Variants in RIBC2 observed in about 807,000 individuals in gnomAD.
RIBC2 encodes RIB43A domain with coiled-coils 2.
In RIBC2, 40 loss-of-function variants were observed where a neutral mutation model predicts 44.3. That is an observed-to-expected ratio of 0.90 (90% CI 0.70 to 1.18). The LOEUF is 1.18. Among genes scored for constraint, RIBC2 ranks in the 50% most tolerant of loss-of-function variants. RIBC2 has a pLI of 0.00. For missense variants in RIBC2, 459 were observed against 485.5 expected, an observed-to-expected ratio of 0.95 and a Z score of 0.51; for synonymous variants, 171 against 175.0, an observed-to-expected ratio of 0.98 and a Z score of 0.18.
In RIBC2 at chr22:45,430,164, G is replaced by A. The variant is rs188727356; in HGVS notation, c.904-736G>A. 4.9e-3 allele frequency among the ~76,000 whole-genome samples: 740 copies of A among 152,272 alleles called. 7 individuals carry two copies. Among genetic ancestry groups the A allele is most frequent in the African/African-American group, 0.017 (687 of 41,560 alleles). ...CTGCCTTCAGTCCCAGGATGGGGCC[G>A]CCCAGACCCCCGTGCCACTCACCGG... On this transcript the variant is annotated intron_variant, in intron 5 of 6. Coordinates refer to ENST00000614167, the MANE Select transcript of RIBC2 (RefSeq NM_015653.5).
rs986768098 is a variant in RIBC2 at position 45,430,801 on chromosome 22, T to C, written c.904-99T>C. ...CCTGCTCGTCCTCTGAGCCTCAGTT[T>C]CCCCATCTGTAGAATGAGAGGCCAG... is the stretch of plus-strand genomic sequence containing the variant. On this transcript the variant is annotated intron_variant, in intron 5 of 6. Coordinates refer to ENST00000614167, the MANE Select transcript of RIBC2 (RefSeq NM_015653.5). 22 of 1,378,714 alleles carry C rather than the reference T, an allele frequency of 1.6e-5. No individual in the cohort carries two copies. The African/African-American group carries it at 3.3e-4, about 20-fold the overall frequency. 85.4% of individuals were successfully genotyped at this position (1,378,714 alleles called of 1,614,324 possible). A position where few individuals can be genotyped will look rare whatever the true frequency, so the allele number is the denominator to read the frequency against.
Position 45,430,965 on chromosome 22 carries a change from C to T in RIBC2, c.969C>T (p.Arg323=), listed in dbSNP as rs375712060. 39 of 1,608,206 alleles carry T rather than the reference C, an allele frequency of 2.4e-5. No homozygotes were observed. The highest frequency in any genetic ancestry group is 8.0e-5 in the African/African-American group (6 of 74,650). Residue 323 remains arginine (R), a synonymous_variant, in exon 6 of 7, where the codon CGC becomes CGT. Transcript: ENST00000614167. ...ACCGGCGGAGGATTCAGGGGGCTCGCGCCACCCTGCTGTTTGAGCGGCAGC... is the reference window on the plus strand; with the variant it reads ...ACCGGCGGAGGATTCAGGGGGCTCGTGCCACCCTGCTGTTTGAGCGGCAGC... The part of the protein sequence containing the change: ...DWDRRRIQGA[R]ATLLFERQQW...
intron 2 of RIBC2, 95 bp downstream of exon 2, chr22:45,414,498 T>A (rs1197853745): frequency 3.9e-6 from 3 of 773,322 alleles, no homozygotes; most frequent in Non-Finnish European, 5.9e-6. Context: ...CTTTTTTTTT[T>A]TATTTTTTAT....
chr22:45,414,993 A>AGTATTCAAGTACCTTGAATACTG (rs2087407139), intron 2 of RIBC2, among the ~76,000 whole-genome samples: 1 of 152,190 alleles, frequency 6.6e-6, no homozygotes, highest in African/African-American at 2.4e-5. Flanking sequence ...TTCAAATCAT[A>AGTATTCAAGTACCTTGAATACTG]GTATTCAAGT....
Position 45,430,933 on chromosome 22 carries a change from G to T in RIBC2, c.937G>T (p.Asp313Tyr). 1 of 1,609,582 alleles carries T rather than the reference G, an allele frequency of 6.2e-7. No individual in the cohort carries two copies. Among genetic ancestry groups the T allele is most frequent in the South Asian group, 1.1e-5 (1 of 90,494 alleles). ...LQEEKRQRDL[D>Y]WDRRRIQGAR... ...GGAAGAAAAGCGCCAGCGAGACCTG[G>T]ACTGGGACCGGCGGAGGATTCAGGG... The change falls in exon 6 of 7, where the codon GAC becomes TAC. Residue 313 changes from aspartate to tyrosine, a missense_variant. Physicochemically the swap from Asp to Tyr is radical, Grantham distance 160. Coordinates refer to ENST00000614167, the MANE Select transcript of RIBC2 (RefSeq NM_015653.5).
At chr22:45,415,551 T>C (rs114380830) in intron 2 of RIBC2, among the ~76,000 whole-genome samples, 10,136 of 152,008 alleles carry the variant, frequency 0.067, 626 homozygotes, top group East Asian at 0.34. Context: ...TTTTGCCAGA[T>C]TGGCTTCAGA....
At chr22:45,419,354 G>C (rs1442847737) in intron 3 of RIBC2, among the ~76,000 whole-genome samples, 1 of 151,902 alleles carries the variant, frequency 6.6e-6, no homozygotes, top group African/African-American at 2.4e-5. Flanking sequence ...CCAGGCCCCA[G>C]CCCAGGTAAT....
intron 1 of RIBC2, 93 bp downstream of exon 1, chr22:45,414,108 ATC>A: frequency 6.6e-7 from 1 of 1,508,692 alleles, no homozygotes; most frequent in Non-Finnish European, 8.9e-7. Flanking sequence ...AGGATGAAAC[ATC>A]TGAGCCAGGA....
chr22:45,426,927 G>A, intron 5 of RIBC2, among the ~76,000 whole-genome samples: 1 of 152,042 alleles, frequency 6.6e-6, no homozygotes, highest in Non-Finnish European at 1.5e-5. Context: ...GTGGGGACGT[G>A]TGAAAGAGAG....
intron 2 of RIBC2, among the ~76,000 whole-genome samples, chr22:45,415,258 GAAAA>G (rs994123509): frequency 7.0e-6 from 1 of 142,258 alleles, no homozygotes; most frequent in Non-Finnish European, 1.5e-5. Context: ...TTTTATAATA[GAAAA>G]AAAAGCAGGA....
Position 45,413,828 on chromosome 22 carries a change from C to T in RIBC2, c.-59C>T, listed in dbSNP as rs1173820536. The T allele has an allele frequency of 3.1e-5, 47 of 1,496,078 alleles. No individual in the cohort carries two copies. Among genetic ancestry groups the T allele is most frequent in the Admixed American group, 2.1e-4 (9 of 43,360 alleles). The allele number at this position is 1,496,078 out of a possible 1,614,324, so 92.7% of individuals were successfully genotyped here. ...CCGACCTTGCCTGCGCTACAGCTTC[C>T]TTATTTTCGTCGCCTGTTCTCCTGA... On this transcript the variant is annotated 5_prime_UTR_variant, in exon 1 of 7. Coordinates refer to ENST00000614167, the MANE Select transcript of RIBC2 (RefSeq NM_015653.5).
rs182053716 is a variant in RIBC2, at chr22:45,413,740, T to G, written c.-147T>G. 8.0e-7 allele frequency: 1 copy of G among 1,244,122 alleles called. No homozygotes were observed. Among genetic ancestry groups the G allele is most frequent in the Non-Finnish European group, 1.1e-6 (1 of 902,938 alleles). 77.1% of individuals were successfully genotyped at this position (1,244,122 alleles called of 1,614,324 possible). Reference sequence around the variant, plus strand: ...CGGGAGCGTCTGTACCTCTGCGGCGTCACTGGGAGCCCGACGGAAAACTGC... The same window carrying G: ...CGGGAGCGTCTGTACCTCTGCGGCGGCACTGGGAGCCCGACGGAAAACTGC... On this transcript the variant is annotated 5_prime_UTR_variant, in exon 1 of 7. Transcript: ENST00000614167.
intron 6 of RIBC2, 23 bp downstream of exon 6, chr22:45,431,089 G>A: frequency 6.4e-7 from 1 of 1,559,532 alleles, no homozygotes; most frequent in Non-Finnish European, 8.7e-7. Context: ...TGGGACCAGG[G>A]CCAGGTGGGG....
At chr22:45,425,726 T>C (rs2087527340) in intron 4 of RIBC2, among the ~76,000 whole-genome samples, 1 of 152,038 alleles carries the variant, frequency 6.6e-6, no homozygotes. Context: ...ACCCAACAGG[T>C]GGTGATCCCC....
At chr22:45,431,209 G>T in intron 6 of RIBC2, 143 bp downstream of exon 6, 1 of 1,017,378 alleles carries the variant, frequency 9.8e-7, no homozygotes, top group Non-Finnish European at 1.4e-6. Context: ...CCTCAAGTGG[G>T]CTGGCTTGGG....
Position 45,425,999 on chromosome 22 carries a change from G to A in RIBC2, c.727G>A (p.Asp243Asn), listed in dbSNP as rs2146886710. The change falls in exon 5 of 7, where the codon GAC (aspartate) becomes AAC (asparagine). Residue 243 changes from aspartate (D) to asparagine (N), a missense_variant. Coordinates refer to ENST00000614167, the MANE Select transcript of RIBC2 (RefSeq NM_015653.5). ...KKQEKKQEQEDNLAEITNLLR... is the reference protein window; with the variant it reads ...KKQEKKQEQENNLAEITNLLR... ...GCAAGAGAAAAAGCAAGAACAAGAG[G>A]ACAACTTGGCCGAGATCACCAACCT... is the stretch of plus-strand genomic sequence containing the variant. The A allele has an allele frequency of 6.2e-7, 1 of 1,614,054 alleles. No homozygotes were observed. Among genetic ancestry groups the A allele is most frequent in the East Asian group, 2.2e-5 (1 of 44,882 alleles).
In RIBC2 at chr22:45,431,019, A is replaced by G. The variant is rs1203935543; in HGVS notation, c.1023A>G (p.Arg341=). The part of the protein sequence containing the change: ...QQWRRQRDLR[R]ALDSSNLSLA... Reference sequence around the variant, plus strand: ...GGCGGCGGCAGCGCGACCTGCGCAGAGCTCTGGACAGCAGCAACCTCAGCC... The same window carrying G: ...GGCGGCGGCAGCGCGACCTGCGCAGGGCTCTGGACAGCAGCAACCTCAGCC... Residue 341 remains arginine, a synonymous_variant, in exon 6 of 7, where the codon AGA becomes AGG. Coordinates refer to ENST00000614167, the MANE Select transcript of RIBC2 (RefSeq NM_015653.5). 5 of 1,587,120 alleles carry G rather than the reference A, an allele frequency of 3.2e-6. No homozygotes were observed. The highest frequency in any genetic ancestry group is 1.3e-5 in the African/African-American group (1 of 74,096).
At chr22:45,424,548 A>T (rs192213974) in intron 4 of RIBC2, among the ~76,000 whole-genome samples, 1 of 152,296 alleles carries the variant, frequency 6.6e-6, no homozygotes, top group Admixed American at 6.5e-5. Flanking sequence ...GCTTAAACAG[A>T]AAGTTGATGT....
chr22:45,430,770 C>G (rs1038486825), intron 5 of RIBC2, 130 bp from the exon 6 acceptor site: 2 of 1,174,022 alleles, frequency 1.7e-6, no homozygotes, highest in Admixed American at 6.0e-5. Context: ...TGACATCGGT[C>G]ACCTACCTGC....
Sources: gnomAD v4.1 joint callset for allele counts (sites outside exome capture counted in the v4.1 genomes callset) on GRCh38, gnomAD v4.1.1 for gene constraint, MANE v1.5 for transcripts, NCBI Gene and HGNC (gene_info 2026-07-23, HGNC 2026-07-21) for gene names.